SMAD1: variants seen among roughly 807,000 people sequenced by gnomAD.
SMAD1 encodes the protein SMAD family member 1.
Under a neutral mutation model 41.6 loss-of-function variants are expected in SMAD1, and 6 were observed. The ratio of observed to expected loss-of-function variants is 0.14; its 90% CI spans 0.08 to 0.28. The LOEUF (loss-of-function observed/expected upper bound fraction) is 0.28, where lower values mean the gene tolerates loss of function less well. Ranked by LOEUF, SMAD1 falls within the 10% of genes least tolerant of loss-of-function variation. SMAD1 has a pLI of 1.00. For missense variants in SMAD1, 379 were observed against 582.6 expected, an observed-to-expected ratio of 0.65 and a Z score of 3.60; for synonymous variants, 206 against 203.2, an observed-to-expected ratio of 1.01 and a Z score of -0.12.
At position 145,485,699 on chromosome 4, in the gene SMAD1, G is replaced by A. The variant is rs192103342; in HGVS notation, c.-177+3661G>A. On this transcript the variant is annotated intron_variant, in intron 1 of 6. Transcript: ENST00000302085. ...GACAGTTGAAGCTGCTGGATAAAAGGAGTTTGACTTTTCTGTAGATCTTAT... is the reference window on the plus strand; with the variant it reads ...GACAGTTGAAGCTGCTGGATAAAAGAAGTTTGACTTTTCTGTAGATCTTAT... 1.2e-4 allele frequency among the ~76,000 whole-genome samples: 19 copies of A among 152,324 alleles called. 1 individual carries two copies. The highest frequency in any genetic ancestry group is 2.2e-4 in the Non-Finnish European group (15 of 68,028).
At chr4:145,537,383 G>T (rs1731667703) in intron 2 of SMAD1, among the ~76,000 whole-genome samples, 1 of 152,088 alleles carries the variant, frequency 6.6e-6, no homozygotes, top group Non-Finnish European at 1.5e-5. Context: ...GGAGGAGAGA[G>T]AATGAGTAAG....
At position 145,558,254 on chromosome 4, in the gene SMAD1, C is replaced by T. The variant is rs1732957537; in HGVS notation, c.*320C>T. 6.6e-6 allele frequency among the ~76,000 whole-genome samples: 1 copy of T among 152,088 alleles called. No homozygotes were observed. The highest frequency in any genetic ancestry group is 1.5e-5 in the Non-Finnish European group (1 of 68,014). ...CAGGGACAAATTGTCTATTAGAAAA[C>T]GGTCCTAAGAGATTCTTTGGTGTTT... is the stretch of plus-strand genomic sequence containing the variant. On this transcript the variant is annotated 3_prime_UTR_variant, in exon 7 of 7. Transcript: ENST00000302085.
At chr4:145,484,402 A>G (rs536222654) in intron 1 of SMAD1, 1 of 152,342 alleles carries the variant, frequency 6.6e-6, no homozygotes, top group Admixed American at 6.5e-5. Flanking sequence ...GTGCAAAATG[A>G]TACATCAGGA....
chr4:145,496,589 A>G (rs1473354274), intron 1 of SMAD1, among the ~76,000 whole-genome samples: 3 of 152,300 alleles, frequency 2.0e-5, no homozygotes, highest in Admixed American at 2.0e-4. Context: ...AAAAGTGGAT[A>G]GAAAATACAG....
chr4:145,549,047 A>G (rs918900623), intron 5 of SMAD1, among the ~76,000 whole-genome samples: 6 of 152,216 alleles, frequency 3.9e-5, no homozygotes, highest in Admixed American at 3.9e-4. Context: ...AAAGCAAGAA[A>G]CATTCTATTA....
chr4:145,538,876 AACTG>A (rs1464194618), intron 2 of SMAD1, among the ~76,000 whole-genome samples: 1 of 152,172 alleles, frequency 6.6e-6, no homozygotes, highest in South Asian at 2.1e-4. Flanking sequence ...AGGGCTCTGT[AACTG>A]ACTGTTAGCC....
chr4:145,512,844 AT>A (rs1430030937), intron 1 of SMAD1, among the ~76,000 whole-genome samples: 1 of 152,154 alleles, frequency 6.6e-6, no homozygotes, highest in Admixed American at 6.5e-5. Flanking sequence ...TCTACAGAGA[AT>A]TTGTTTTTCT....
At chr4:145,526,998 A>G (rs931505237) in intron 2 of SMAD1, among the ~76,000 whole-genome samples, 1 of 152,190 alleles carries the variant, frequency 6.6e-6, no homozygotes, top group African/African-American at 2.4e-5. Context: ...GTACTAATGC[A>G]TTCTTGAAAC....
chr4:145,549,473 G>C lies in SMAD1; in HGVS notation c.997+2549G>C, dbSNP rs143589522. Among the ~76,000 whole-genome samples the C allele has an allele frequency of 2.0e-5, 3 of 152,240 alleles. No individual in the cohort carries two copies. In the South Asian group the frequency reaches 6.2e-4, roughly 32 times the overall value. On this transcript the variant is annotated intron_variant, in intron 5 of 6. Coordinates refer to ENST00000302085, the MANE Select transcript of SMAD1 (RefSeq NM_005900.3). The stretch of plus-strand genomic sequence containing the variant: ...CATACAGACAGACACACACATGCAC[G>C]GTGCGTGTGCAGCAGCAGTGGGGAA...
intron 2 of SMAD1, among the ~76,000 whole-genome samples, chr4:145,530,116 C>A (rs1731241804): frequency 6.6e-6 from 1 of 152,156 alleles, no homozygotes; most frequent in African/African-American, 2.4e-5. Flanking sequence ...GAAAGAAAAT[C>A]AGTTCTACCC....
At chr4:145,520,193 A>T (rs1363769176) in intron 2 of SMAD1, among the ~76,000 whole-genome samples, 1 of 152,198 alleles carries the variant, frequency 6.6e-6, no homozygotes, top group Non-Finnish European at 1.5e-5. Context: ...CTACCATATG[A>T]TCCAGCAGTC....
intron 1 of SMAD1, among the ~76,000 whole-genome samples, chr4:145,499,454 C>T (rs1426533624): frequency 6.6e-6 from 1 of 152,154 alleles, no homozygotes; most frequent in Non-Finnish European, 1.5e-5. Flanking sequence ...AACCCTGTCA[C>T]TAATAAAAAT....
intron 5 of SMAD1, 46 bp downstream of exon 5, chr4:145,546,970 C>T (rs747461143): frequency 1.4e-6 from 2 of 1,427,856 alleles, no homozygotes; most frequent in African/African-American, 2.8e-5. Flanking sequence ...CTGTTGTGTC[C>T]CTGTTCCTCC....
intron 2 of SMAD1, among the ~76,000 whole-genome samples, chr4:145,531,484 G>A (rs769453100): frequency 6.6e-6 from 1 of 152,032 alleles, no homozygotes; most frequent in Admixed American, 6.5e-5. Flanking sequence ...GCTTGTAGGT[G>A]GCCTCACTGA....
At chr4:145,530,988 A>G (rs955454752) in intron 2 of SMAD1, among the ~76,000 whole-genome samples, 2 of 152,250 alleles carry the variant, frequency 1.3e-5, no homozygotes, top group Non-Finnish European at 2.9e-5. Context: ...GGGCAAGGAC[A>G]GTGTCTGTCC....
rs13144151 is a variant in SMAD1 at position 145,482,013 on chromosome 4, A to C, written c.-202A>C. On this transcript the variant is annotated 5_prime_UTR_variant, in exon 1 of 7. Transcript: ENST00000302085. This position sits in a 1 kb window ranked among gnomAD's most constrained non-coding sequence, Gnocchi z 4.2. Reference sequence around the variant, plus strand: ...CGCTCGCCCGGCCACTCGTGCTCCCACACGGACGGGCGCGCCGCCAACCCG... The same window carrying C: ...CGCTCGCCCGGCCACTCGTGCTCCCCCACGGACGGGCGCGCCGCCAACCCG... The C allele has an allele frequency of 6.6e-6, 1 of 151,904 alleles. No homozygotes were observed. Among genetic ancestry groups the C allele is most frequent in the Non-Finnish European group, 1.5e-5 (1 of 68,028 alleles). The allele number at this position is 151,904 out of a possible 1,614,324, so 9.4% of individuals were successfully genotyped here.
Position 145,557,922 on chromosome 4 carries a change from A to G in SMAD1, c.1386A>G (p.Ser462=), listed in dbSNP as rs1195309956. 2.5e-6 allele frequency: 4 copies of G among 1,606,950 alleles called. No individual in the cohort carries two copies. Among genetic ancestry groups the G allele is most frequent in the Non-Finnish European group, 3.4e-6 (4 of 1,175,900 alleles). The change falls in exon 7 of 7, where the codon TCA becomes TCG. Residue 462 remains serine (S), a synonymous_variant. Coordinates refer to ENST00000302085, the MANE Select transcript of SMAD1 (RefSeq NM_005900.3). ...TGGGTTCACCTCATAATCCTATTTC[A>G]TCTGTATCTTAAATGGCCCCAGGCA... ...TQMGSPHNPI[S]SVS
At chr4:145,512,854 C>A (rs1730160619) in intron 1 of SMAD1, among the ~76,000 whole-genome samples, 1 of 152,102 alleles carries the variant, frequency 6.6e-6, no homozygotes, top group Admixed American at 6.5e-5. Context: ...ATTTGTTTTT[C>A]TTCTGGCAAG....
intron 1 of SMAD1, among the ~76,000 whole-genome samples, chr4:145,503,696 G>A (rs1729598935): frequency 6.6e-6 from 1 of 152,142 alleles, no homozygotes; most frequent in South Asian, 2.1e-4. Context: ...TAACGTTGAT[G>A]AGAAAAAACA....
Sources: allele counts gnomAD v4.1 joint callset (sites outside exome capture counted in the v4.1 genomes callset), GRCh38; gene constraint gnomAD v4.1.1; non-coding constraint Gnocchi (gnomAD v3.1); transcripts MANE v1.5; gene names NCBI Gene and HGNC (gene_info 2026-07-23, HGNC 2026-07-21).